The following SEC16B variants were observed in gnomAD, a reference collection of about 807,000 sequenced individuals.
SEC16B encodes SEC16 homolog B, endoplasmic reticulum export factor.
A neutral mutation model predicts 141.8 loss-of-function variants in SEC16B; 115 were observed. That is an observed-to-expected ratio of 0.81 (90% CI 0.70 to 0.95). The LOEUF (loss-of-function observed/expected upper bound fraction) is 0.95, where lower values mean the gene tolerates loss of function less well. Among genes scored for constraint, SEC16B ranks in the 40% least tolerant of loss-of-function variants. SEC16B has a pLI of 0.00. For synonymous variants in SEC16B, 493 were observed against 492.5 expected (o/e 1.00, Z -0.01); for missense variants, 1,291 against 1,312.3 (o/e 0.98, Z 0.25).
At chr1:177,939,566 A>C (rs1651118900) in intron 18 of SEC16B, 136 bp downstream of exon 18, 1 of 712,798 alleles carries the variant, frequency 1.4e-6, no homozygotes, top group African/African-American at 1.8e-5. Flanking sequence ...AGGCGCCTGG[A>C]CAACGGGGCG....
chr1:177,966,117 C>G (rs1653499798), intron 2 of SEC16B, 112 bp from the exon 3 acceptor site: 1 of 572,430 alleles, frequency 1.7e-6, no homozygotes, highest in South Asian at 3.2e-5. Context: ...GTGACCCCAG[C>G]CTAGAATCTG....
intron 1 of SEC16B, among the ~76,000 whole-genome samples, chr1:177,978,087 C>G (rs1390244559): frequency 6.6e-6 from 1 of 152,168 alleles, no homozygotes; most frequent in African/African-American, 2.4e-5. Flanking sequence ...CTTTGGTACA[C>G]TATGGGAATT....
intron 1 of SEC16B, among the ~76,000 whole-genome samples, chr1:177,968,593 T>C (rs1653737655): frequency 6.6e-6 from 1 of 152,326 alleles, no homozygotes; most frequent in South Asian, 2.1e-4. Context: ...GCGTAACATG[T>C]TACCTAACAT....
intron 18 of SEC16B, among the ~76,000 whole-genome samples, chr1:177,938,154 T>G (rs1351787380): frequency 1.3e-5 from 2 of 152,216 alleles, no homozygotes; most frequent in African/African-American, 2.4e-5. Flanking sequence ...GCTGACTAAA[T>G]GAGCCTCCGT....
upstream of SEC16B, among the ~76,000 whole-genome samples, chr1:177,972,139 C>T (rs1239115769): frequency 6.6e-6 from 1 of 152,166 alleles, no homozygotes; most frequent in Non-Finnish European, 1.5e-5. Context: ...CCCAAAGTAT[C>T]TCTAATTATC....
chr1:177,947,715 GA>G, intron 13 of SEC16B, 109 bp downstream of exon 13: 2 of 602,748 alleles, frequency 3.3e-6, no homozygotes. Context: ...TGAGGAGAGG[GA>G]GGGGAGGTGA....
In SEC16B at chr1:177,947,819, G is replaced by A. The variant is rs371238377; in HGVS notation, c.1663+6C>T. ...GGAGCGGAGGGGAAATGCTGGTGTC[G>A]CTTACCCAGGGTGTCCCCAATGGCA... On this transcript the variant is annotated splice_donor_region_variant and intron_variant, in intron 13 of 25. Transcript: ENST00000308284. The A allele has an allele frequency of 1.9e-5, 30 of 1,542,494 alleles. No homozygotes were observed. The highest frequency in any genetic ancestry group is 2.2e-4 in the Middle Eastern group (1 of 4,596).
rs1298330078 is a variant in SEC16B, at chr1:177,932,798, G to A, written c.2832C>T (p.Pro944=). Residue 944 remains proline, a synonymous_variant, in exon 23 of 26, where the codon CCC becomes CCT. Coordinates refer to ENST00000308284, the MANE Select transcript of SEC16B (RefSeq NM_033127.4). The part of the protein sequence containing the change: ...SSDSPDSEET[P]RASSPHQAGL... The stretch of plus-strand genomic sequence containing the variant: ...CAGCCTGGTGGGGAGAAGATGCTCT[G>A]GGGGTCTCCTGCTTTGTGGAGAAAG... The A allele has an allele frequency of 1.2e-6, 2 of 1,611,108 alleles. No homozygotes were observed. Among genetic ancestry groups the A allele is most frequent in the Admixed American group, 3.4e-5 (2 of 59,690 alleles).
chr1:177,959,807 G>A (rs1160072208), intron 8 of SEC16B: 2 of 154,748 alleles, frequency 1.3e-5, no homozygotes, highest in Non-Finnish European at 2.9e-5. Context: ...CTGTCATCCA[G>A]CAAGGACTCT....
intron 24 of SEC16B, 36 bp from the exon 25 acceptor site, chr1:177,930,679 C>G: frequency 6.7e-7 from 1 of 1,491,150 alleles, no homozygotes; most frequent in Non-Finnish European, 9.3e-7. Flanking sequence ...CCATCAGTGC[C>G]TGCCTCCCAG....
At position 177,967,749 on chromosome 1, in the gene SEC16B, T is replaced by G; in HGVS notation, c.233A>C (p.Asp78Ala). Residue 78 changes from aspartate (D) to alanine (A), a missense_variant, in exon 2 of 26, where the codon GAC becomes GCC. By Grantham distance (126) the Asp-to-Ala change is moderately radical. Coordinates refer to ENST00000308284, the MANE Select transcript of SEC16B (RefSeq NM_033127.4). ...QQPHYASRPG[D>A]WHQPVSGVDY... Reference sequence around the variant, plus strand: ...AACTCCAGACACAGGCTGATGCCAGTCCCCTGGCCTGGATGCATAATGGGG... The same window carrying G: ...AACTCCAGACACAGGCTGATGCCAGGCCCCTGGCCTGGATGCATAATGGGG... The G allele has an allele frequency of 6.2e-7, 1 of 1,613,756 alleles. No homozygotes were observed. Among genetic ancestry groups the G allele is most frequent in the Non-Finnish European group, 8.5e-7 (1 of 1,179,678 alleles).
intron 15 of SEC16B, among the ~76,000 whole-genome samples, chr1:177,943,669 C>T (rs541703468): frequency 6.6e-6 from 1 of 152,318 alleles, no homozygotes; most frequent in South Asian, 2.1e-4. Flanking sequence ...CACAAGGCAG[C>T]GTGAGCTCAG....
At chr1:177,955,120 CA>C (rs572846465) in intron 10 of SEC16B, among the ~76,000 whole-genome samples, 114 of 150,172 alleles carry the variant, frequency 7.6e-4, no homozygotes, top group Admixed American at 1.2e-3. Flanking sequence ...AAATCAATGA[CA>C]AAAAAATTCA....
rs114554812 is a variant in SEC16B at position 177,937,624 on chromosome 1, A to G, written c.2204-111T>C. 715 of 943,916 alleles carry G rather than the reference A, an allele frequency of 7.6e-4. 3 individuals are homozygous for G. In the African/African-American group the frequency reaches 0.011, roughly 14 times the overall value. 58.5% of individuals were successfully genotyped at this position (943,916 alleles called of 1,614,324 possible). A position where few individuals can be genotyped will look rare whatever the true frequency, so the allele number is the denominator to read the frequency against. ...TCTTCTTTGGAAAGCAGTCACAAGG[A>G]CGAGCTGTCTAATGCGGCTTCCAGT... On this transcript the variant is annotated intron_variant, in intron 18 of 25. Coordinates refer to ENST00000308284, the MANE Select transcript of SEC16B (RefSeq NM_033127.4).
chr1:177,952,366 C>A (rs1406467250), intron 11 of SEC16B, among the ~76,000 whole-genome samples: 1 of 152,288 alleles, frequency 6.6e-6, no homozygotes, highest in Admixed American at 6.5e-5. Context: ...CATCGGCACC[C>A]CCCTTCTCAG....
chr1:177,977,940 G>C (rs950178858), intron 1 of SEC16B, among the ~76,000 whole-genome samples: 1 of 152,174 alleles, frequency 6.6e-6, no homozygotes, highest in Non-Finnish European at 1.5e-5. Context: ...TGGATGAAAT[G>C]ATACATGGAA....
intron 15 of SEC16B, among the ~76,000 whole-genome samples, chr1:177,942,562 G>A (rs751720201): frequency 6.6e-6 from 1 of 152,122 alleles, no homozygotes; most frequent in African/African-American, 2.4e-5. Flanking sequence ...CAGCTACTCG[G>A]AAGGCTGAGA....
intron 24 of SEC16B, among the ~76,000 whole-genome samples, chr1:177,931,834 T>C (rs1252683300): frequency 6.6e-6 from 1 of 152,226 alleles, no homozygotes; most frequent in Non-Finnish European, 1.5e-5. Context: ...GCAATAGATA[T>C]GAAATCCATA....
chr1:177,981,555 A>G (rs955656024), intron 1 of SEC16B, among the ~76,000 whole-genome samples: 3 of 152,210 alleles, frequency 2.0e-5, no homozygotes, highest in Non-Finnish European at 4.4e-5. Context: ...CTCATGTTGT[A>G]GGCATTAGGA....
Sources: allele counts gnomAD v4.1 joint callset (sites outside exome capture counted in the v4.1 genomes callset), GRCh38; gene constraint gnomAD v4.1.1; transcripts MANE v1.5; gene names NCBI Gene and HGNC (gene_info 2026-07-23, HGNC 2026-07-21).